Variants in PRKCE observed in about 807,000 individuals in gnomAD.
PRKCE encodes protein kinase C epsilon type.
In PRKCE, 16 loss-of-function variants were observed where a neutral mutation model predicts 85.4. That is an observed-to-expected ratio of 0.19 (90% CI 0.13 to 0.28). PRKCE has a LOEUF of 0.28. PRKCE is among the 10% of genes least tolerant of loss of function. The pLI is 1.00. For synonymous variants in PRKCE, 388 were observed against 371.5 expected, an observed-to-expected ratio of 1.04 and a Z score of -0.51; for missense variants, 573 against 975.2, an observed-to-expected ratio of 0.59 and a Z score of 5.49.
At chr2:45,741,744 G>C (rs191817383) in intron 1 of PRKCE, among the ~76,000 whole-genome samples, 146 of 149,298 alleles carry the variant, frequency 9.8e-4, no homozygotes, top group Non-Finnish European at 1.7e-3. Context: ...GGCTAGTACA[G>C]CCTGTGCTGG....
intron 10 of PRKCE, among the ~76,000 whole-genome samples, chr2:46,040,080 C>T (rs1485757004): frequency 1.3e-5 from 2 of 152,192 alleles, no homozygotes; most frequent in Non-Finnish European, 2.9e-5. Context: ...ACCCATTAAC[C>T]ATGGCTGGAA....
intron 2 of PRKCE, among the ~76,000 whole-genome samples, chr2:45,930,619 A>G (rs1458904205): frequency 6.6e-6 from 1 of 152,202 alleles, no homozygotes; most frequent in African/African-American, 2.4e-5. Flanking sequence ...GTTACTCATC[A>G]TGAACTCTGC....
At chr2:45,946,682 G>A (rs1700265104) in intron 2 of PRKCE, among the ~76,000 whole-genome samples, 1 of 152,136 alleles carries the variant, frequency 6.6e-6, no homozygotes, top group Admixed American at 6.5e-5. Context: ...AAAGCCAGAG[G>A]AACCAGGTTG....
chr2:45,972,050 A>G (rs371840793), intron 2 of PRKCE, among the ~76,000 whole-genome samples: 4 of 152,318 alleles, frequency 2.6e-5, no homozygotes, highest in South Asian at 2.1e-4. Context: ...ACTGTTTCCT[A>G]TAGTGGCTGT....
chr2:45,779,642 A>G (rs1046177231), intron 1 of PRKCE, among the ~76,000 whole-genome samples: 2 of 151,544 alleles, frequency 1.3e-5, no homozygotes, highest in Non-Finnish European at 2.9e-5. Context: ...TACCAGGCCT[A>G]TTCTCCCCCA....
chr2:46,135,746 CTTTTTTTT>C lies in PRKCE; in HGVS notation c.1593-9327_1593-9320del, dbSNP rs11417233. Reference sequence around the variant, plus strand: ...ACCTTGGGTTCAGAAACAAATTATGCTTTTTTTTTTTTTTTTTTTTTTTTTTTAATGTA... The same window carrying C: ...ACCTTGGGTTCAGAAACAAATTATGCTTTTTTTTTTTTTTTTTTTAATGTA... On this transcript the variant is annotated intron_variant, in intron 11 of 14. Coordinates refer to ENST00000306156, the MANE Select transcript of PRKCE (RefSeq NM_005400.3). Among the ~76,000 whole-genome samples the C allele has an allele frequency of 1.1e-3, 23 of 20,666 alleles. 1 individual carries two copies. The South Asian group carries it at 0.03, about 27-fold the overall frequency. The allele number at this position is 20,666 out of a possible 152,430, so 13.6% of individuals were successfully genotyped here. A position where few individuals can be genotyped will look rare whatever the true frequency, so the allele number is the denominator to read the frequency against.
chr2:46,048,709 G>T (rs1266191895), intron 10 of PRKCE, among the ~76,000 whole-genome samples: 1 of 152,222 alleles, frequency 6.6e-6, no homozygotes, highest in African/African-American at 2.4e-5. Context: ...GGGTGAACCA[G>T]TGTCTGACAG....
At chr2:46,180,345 G>A (rs1239521711) in intron 14 of PRKCE, among the ~76,000 whole-genome samples, 1 of 152,196 alleles carries the variant, frequency 6.6e-6, no homozygotes, top group Non-Finnish European at 1.5e-5. Flanking sequence ...CAGTGCCAGG[G>A]AGATGAACCT....
chr2:45,758,210 C>A (rs1684170146), intron 1 of PRKCE, among the ~76,000 whole-genome samples: 1 of 152,136 alleles, frequency 6.6e-6, no homozygotes, highest in Non-Finnish European at 1.5e-5. Flanking sequence ...TTCCCTGTGC[C>A]TTGGTTTTTC....
chr2:45,879,027 G>T (rs777148673), intron 2 of PRKCE, among the ~76,000 whole-genome samples: 3 of 152,194 alleles, frequency 2.0e-5, no homozygotes, highest in African/African-American at 7.2e-5. Context: ...CCACCCTCAA[G>T]CCTGGAACTA....
chr2:46,005,471 C>T (rs1705103422), intron 8 of PRKCE, among the ~76,000 whole-genome samples: 1 of 152,084 alleles, frequency 6.6e-6, no homozygotes, highest in African/African-American at 2.4e-5. Context: ...TAATTTTATG[C>T]CCATACCCAC....
chr2:45,968,372 A>G (rs1005153340), intron 2 of PRKCE, among the ~76,000 whole-genome samples: 1 of 152,236 alleles, frequency 6.6e-6, no homozygotes, highest in African/African-American at 2.4e-5. Context: ...GAAGTAACTC[A>G]GGAATTGAAA....
At chr2:45,851,618 A>G (rs957347842) in intron 2 of PRKCE, 1 of 152,174 alleles carries the variant, frequency 6.6e-6, no homozygotes, top group African/African-American at 2.4e-5. Flanking sequence ...TGAGCTATTA[A>G]TTTTTTTATT....
chr2:45,977,735 A>C (rs1702572841), intron 3 of PRKCE, among the ~76,000 whole-genome samples: 1 of 152,162 alleles, frequency 6.6e-6, no homozygotes, highest in African/African-American at 2.4e-5. Context: ...TCAGAAATGA[A>C]AATGAGACTG....
chr2:46,068,028 A>AGGG lies in PRKCE; in HGVS notation c.1438-18179_1438-18177dup, dbSNP rs1487138041. On this transcript the variant is annotated intron_variant, in intron 10 of 14. Transcript: ENST00000306156. The surrounding 1 kb of genome is among the most constrained non-coding windows in gnomAD (Gnocchi z 4.3). ...GGCTTACTGATTATATCACTCGCGA[A>AGGG]GGGATTAGTCAGAAGGCAATGGAAA... Among the ~76,000 whole-genome samples, 1 of 152,188 alleles carries AGGG rather than the reference A, an allele frequency of 6.6e-6. No homozygotes were observed. The highest frequency in any genetic ancestry group is 1.9e-4 in the East Asian group (1 of 5,202).
chr2:45,821,562 G>A (rs946837401), intron 1 of PRKCE, among the ~76,000 whole-genome samples: 1 of 152,176 alleles, frequency 6.6e-6, no homozygotes, highest in African/African-American at 2.4e-5. Flanking sequence ...AAGGATTGAG[G>A]AGTCAGGATG....
intron 2 of PRKCE, among the ~76,000 whole-genome samples, chr2:45,915,607 C>T (rs2103872825): frequency 6.6e-6 from 1 of 152,308 alleles, no homozygotes; most frequent in South Asian, 2.1e-4. Flanking sequence ...CTCCTAGAGG[C>T]AGATGTAGAT....
chr2:45,736,646 C>T (rs574449710), intron 1 of PRKCE, among the ~76,000 whole-genome samples: 14 of 152,298 alleles, frequency 9.2e-5, no homozygotes, highest in African/African-American at 3.1e-4. Flanking sequence ...TGTTGTGGTT[C>T]GCAGTGGGGC....
intron 1 of PRKCE, among the ~76,000 whole-genome samples, chr2:45,673,917 C>T (rs1676295760): frequency 6.6e-6 from 1 of 152,190 alleles, no homozygotes; most frequent in African/African-American, 2.4e-5. Context: ...ACCCACTCTT[C>T]CTCCTCTTTC....
Sources: allele counts gnomAD v4.1 joint callset (sites outside exome capture counted in the v4.1 genomes callset), GRCh38; gene constraint gnomAD v4.1.1; non-coding constraint Gnocchi (gnomAD v3.1); transcripts MANE v1.5; gene names NCBI Gene and HGNC (gene_info 2026-07-23, HGNC 2026-07-21).